Variants in DEPTOR observed in about 807,000 individuals in gnomAD.
DEPTOR encodes the protein DEP domain containing MTOR interacting protein.
In DEPTOR, 41 loss-of-function variants were observed where a neutral mutation model predicts 41.6. The ratio of observed to expected loss-of-function variants is 0.98; its 90% CI spans 0.77 to 1.28. DEPTOR has a LOEUF of 1.28. Among genes scored for constraint, DEPTOR ranks in the 50% most tolerant of loss-of-function variants. The probability of loss-of-function intolerance (pLI) is 0.00; values close to 1 mark genes in which losing one functional copy is unlikely to be tolerated. For synonymous variants in DEPTOR, 195 were observed against 192.3 expected, an observed-to-expected ratio of 1.01 and a Z score of -0.12; for missense variants, 514 against 527.9, an observed-to-expected ratio of 0.97 and a Z score of 0.26.
chr8:119,906,393 T>A (rs1221671092), intron 1 of DEPTOR, among the ~76,000 whole-genome samples: 1 of 151,636 alleles, frequency 6.6e-6, no homozygotes, highest in East Asian at 1.9e-4. Context: ...CTGGTGGAGG[T>A]TGCAGTGAGC....
intron 8 of DEPTOR, among the ~76,000 whole-genome samples, chr8:120,018,990 GGAA>G (rs1170271273): frequency 6.6e-6 from 1 of 152,182 alleles, no homozygotes; most frequent in African/African-American, 2.4e-5. Flanking sequence ...AGCCTAGAGA[GGAA>G]GAAGGACATT....
intron 1 of DEPTOR, among the ~76,000 whole-genome samples, chr8:119,926,912 T>C (rs1827970909): frequency 6.6e-6 from 1 of 152,170 alleles, no homozygotes; most frequent in Admixed American, 6.5e-5. Context: ...ATAAAGCACA[T>C]AAGATAGCCT....
intron 8 of DEPTOR, among the ~76,000 whole-genome samples, chr8:120,042,394 C>A (rs920878109): frequency 6.6e-6 from 1 of 152,048 alleles, no homozygotes; most frequent in African/African-American, 2.4e-5. Flanking sequence ...CATAGTAATA[C>A]CTACATTTCT....
intron 4 of DEPTOR, among the ~76,000 whole-genome samples, chr8:119,996,383 C>A (rs982594747): frequency 6.6e-6 from 1 of 152,270 alleles, no homozygotes; most frequent in Middle Eastern, 3.4e-3. Context: ...ATGTATTTGG[C>A]ATTATGCTGA....
chr8:119,916,031 C>T (rs1171633023), intron 1 of DEPTOR, among the ~76,000 whole-genome samples: 1 of 151,250 alleles, frequency 6.6e-6, no homozygotes, highest in East Asian at 2.0e-4. Context: ...TCATTTAATC[C>T]TCTCAATAAC....
chr8:119,953,293 T>G (rs760050618), intron 3 of DEPTOR, among the ~76,000 whole-genome samples: 16 of 152,140 alleles, frequency 1.1e-4, no homozygotes, highest in Non-Finnish European at 1.9e-4. Flanking sequence ...TGTAGAAATA[T>G]GACTGGAGGC....
intron 8 of DEPTOR, among the ~76,000 whole-genome samples, chr8:120,017,630 C>G (rs986111603): frequency 6.6e-6 from 1 of 152,170 alleles, no homozygotes; most frequent in Non-Finnish European, 1.5e-5. Flanking sequence ...CAGGGTCATC[C>G]AAGTGAAAAA....
rs1282897659 is a variant in DEPTOR, at chr8:119,921,748, G to GTTTTTTTTT, written c.123-6649_123-6641dup. On this transcript the variant is annotated intron_variant, in intron 1 of 8. Coordinates refer to ENST00000286234, the MANE Select transcript of DEPTOR (RefSeq NM_022783.4). ...GGTAACTGAAAGGTTCTATTCTGTA[G>GTTTTTTTTT]TTTTTTTTTTTGTTTGTTTGTTTGT... 3.5e-4 allele frequency among the ~76,000 whole-genome samples: 46 copies of GTTTTTTTTT among 131,166 alleles called. 2 individuals are homozygous for GTTTTTTTTT. The highest frequency in any genetic ancestry group is 5.7e-4 in the African/African-American group (19 of 33,588). The allele number at this position is 131,166 out of a possible 152,430, so 86.0% of individuals were successfully genotyped here. A position where few individuals can be genotyped will look rare whatever the true frequency, so the allele number is the denominator to read the frequency against.
intron 3 of DEPTOR, among the ~76,000 whole-genome samples, chr8:119,932,302 A>G (rs896262707): frequency 1.3e-5 from 2 of 152,164 alleles, no homozygotes; most frequent in African/African-American, 4.8e-5. Context: ...CTCTAGCTAC[A>G]GCTTATCTCT....
At chr8:119,915,257 G>A (rs28570063) in intron 1 of DEPTOR, among the ~76,000 whole-genome samples, 10,534 of 152,180 alleles carry the variant, frequency 0.069, 646 homozygotes, top group South Asian at 0.17. Context: ...GAGCCACCAC[G>A]CCCAGCCTAT....
intron 1 of DEPTOR, among the ~76,000 whole-genome samples, chr8:119,917,092 A>G (rs950376566): frequency 3.3e-5 from 5 of 152,186 alleles, no homozygotes; most frequent in African/African-American, 1.2e-4. Flanking sequence ...TAAAGTGTAC[A>G]GTGACTCCGG....
At chr8:120,002,789 A>ATATATATATATATAT (rs1200601284) in intron 5 of DEPTOR, among the ~76,000 whole-genome samples, 188 bp from the exon 6 acceptor site, 4 of 59,248 alleles carry the variant, frequency 6.8e-5, no homozygotes, top group African/African-American at 3.0e-4. Flanking sequence ...AAAAAAAAAA[A>ATATATATATATATAT]AAATATATAT....
rs867281587 is a variant in DEPTOR, at chr8:119,875,292, G to C, written c.122+1324G>C. Among the ~76,000 whole-genome samples the C allele has an allele frequency of 2.0e-5, 3 of 152,258 alleles. No individual in the cohort carries two copies. In the South Asian group the frequency reaches 6.2e-4, roughly 32 times the overall value. ...GAGTCTAAAAACGGAGTCAGCAAAGGGAGATGGGGAAGGGGTTGTTTTATA... is the reference window on the plus strand; with the variant it reads ...GAGTCTAAAAACGGAGTCAGCAAAGCGAGATGGGGAAGGGGTTGTTTTATA... On this transcript the variant is annotated intron_variant, in intron 1 of 8. Transcript: ENST00000286234.
intron 1 of DEPTOR, among the ~76,000 whole-genome samples, chr8:119,923,996 A>G (rs1023548892): frequency 1.3e-5 from 2 of 150,890 alleles, no homozygotes; most frequent in African/African-American, 2.4e-5. Flanking sequence ...CATGCTTTCA[A>G]TCTGTCCATA....
At chr8:119,897,962 T>G (rs1380547881) in intron 1 of DEPTOR, among the ~76,000 whole-genome samples, 1 of 152,194 alleles carries the variant, frequency 6.6e-6, no homozygotes, top group Non-Finnish European at 1.5e-5. Context: ...AGGAAGTAAC[T>G]TTTTTTCAAT....
At chr8:119,889,748 A>G (rs540856290) in intron 1 of DEPTOR, among the ~76,000 whole-genome samples, 1 of 151,352 alleles carries the variant, frequency 6.6e-6, no homozygotes, top group Non-Finnish European at 1.5e-5. Context: ...CCATAAACCT[A>G]GAATAAGTGA....
chr8:119,965,147 A>T, intron 3 of DEPTOR, 85 bp from the exon 4 acceptor site: 1 of 1,416,850 alleles, frequency 7.1e-7, no homozygotes, highest in Non-Finnish European at 9.4e-7. Context: ...ACTTTGCTGT[A>T]GTACTTCATG....
chr8:119,980,173 AG>A (rs1563580846), intron 4 of DEPTOR, among the ~76,000 whole-genome samples: 1 of 151,848 alleles, frequency 6.6e-6, no homozygotes. Flanking sequence ...AAAAAAAAAA[AG>A]GAGGAATGGG....
chr8:119,884,961 A>G (rs1349762381), intron 1 of DEPTOR, among the ~76,000 whole-genome samples: 1 of 152,174 alleles, frequency 6.6e-6, no homozygotes, highest in African/African-American at 2.4e-5. Context: ...ATTTTAGTAG[A>G]GATGAGGTTT....
Sources: gnomAD v4.1 joint callset for allele counts (sites outside exome capture counted in the v4.1 genomes callset) on GRCh38, gnomAD v4.1.1 for gene constraint, MANE v1.5 for transcripts, NCBI Gene and HGNC (gene_info 2026-07-23, HGNC 2026-07-21) for gene names.